The following RTN4RL2 variants were observed in gnomAD, a reference collection of about 807,000 sequenced individuals.
RTN4RL2 encodes reticulon 4 receptor like 2, also known as reticulon-4 receptor-like 2.
A neutral mutation model predicts 27.8 loss-of-function variants in RTN4RL2; 9 were observed. That is an observed-to-expected ratio of 0.32 (90% CI 0.20 to 0.57). The LOEUF (loss-of-function observed/expected upper bound fraction) is 0.57, where lower values mean the gene tolerates loss of function less well. RTN4RL2 is among the 20% of genes least tolerant of loss of function. The pLI is 0.90. For synonymous variants in RTN4RL2, 285 were observed against 297.9 expected, an observed-to-expected ratio of 0.96 and a Z score of 0.45; for missense variants, 436 against 596.8, an observed-to-expected ratio of 0.73 and a Z score of 2.81.
Position 57,476,479 on chromosome 11 carries a change from G to A in RTN4RL2, c.831G>A (p.Gln277=). 6.6e-7 allele frequency: 1 copy of A among 1,514,416 alleles called. No individual in the cohort carries two copies. The highest frequency in any genetic ancestry group is 8.8e-7 in the Non-Finnish European group (1 of 1,140,908). The allele number at this position is 1,514,416 out of a possible 1,614,324, so 93.8% of individuals were successfully genotyped here. Residue 277 remains glutamine, a synonymous_variant, in exon 3 of 3, where the codon CAG becomes CAA. Coordinates refer to ENST00000335099, the MANE Select transcript of RTN4RL2 (RefSeq NM_178570.3). The surrounding 1 kb of genome is among the most constrained non-coding windows in gnomAD (Gnocchi z 8.2). ...CRARPLWAWF[Q]RARVSSSDVT... The stretch of plus-strand genomic sequence containing the variant: ...CGCGGCCGCTCTGGGCCTGGTTCCA[G>A]CGCGCGCGCGTGTCCAGCTCCGACG...
At chr11:57,470,035 G>A (rs1207234449) in intron 2 of RTN4RL2, among the ~76,000 whole-genome samples, 1 of 152,180 alleles carries the variant, frequency 6.6e-6, no homozygotes, top group Non-Finnish European at 1.5e-5. Context: ...ACACACCCAG[G>A]AAGAGCTGGC....
chr11:57,463,010 A>G (rs1159966765), intron 1 of RTN4RL2, among the ~76,000 whole-genome samples: 1 of 152,166 alleles, frequency 6.6e-6, no homozygotes, highest in Non-Finnish European at 1.5e-5. Flanking sequence ...TCTTTACCTC[A>G]AGGGCAGTGT....
rs753025440 is a variant in RTN4RL2 at position 57,476,944 on chromosome 11, G to T, written c.*33G>T. 13 of 1,516,164 alleles carry T rather than the reference G, an allele frequency of 8.6e-6. No homozygotes were observed. The highest frequency in any genetic ancestry group is 1.1e-5 in the Non-Finnish European group (13 of 1,142,382). The allele number at this position is 1,516,164 out of a possible 1,614,324, so 93.9% of individuals were successfully genotyped here. A position where few individuals can be genotyped will look rare whatever the true frequency, so the allele number is the denominator to read the frequency against. On this transcript the variant is annotated 3_prime_UTR_variant, in exon 3 of 3. Transcript: ENST00000335099. The surrounding 1 kb of genome is among the most constrained non-coding windows in gnomAD (Gnocchi z 8.2). Reference sequence around the variant, plus strand: ...GCTGAGATCGAAGAGGCCAGTGTCCGATCCCCGCTTCCCGTCCACCCGGGG... The same window carrying T: ...GCTGAGATCGAAGAGGCCAGTGTCCTATCCCCGCTTCCCGTCCACCCGGGG...
At chr11:57,473,922 C>A (rs1943579401) in intron 2 of RTN4RL2, among the ~76,000 whole-genome samples, 1 of 152,126 alleles carries the variant, frequency 6.6e-6, no homozygotes, top group Admixed American at 6.5e-5. Context: ...CTCTTCTGAC[C>A]TCCCGAGGTC....
At chr11:57,473,718 T>G (rs1402287091) in intron 2 of RTN4RL2, among the ~76,000 whole-genome samples, 1 of 151,730 alleles carries the variant, frequency 6.6e-6, no homozygotes, top group African/African-American at 2.4e-5. Context: ...GCAACGGGAT[T>G]TGGCAACAGC....
chr11:57,476,599 G>T lies in RTN4RL2; in HGVS notation c.951G>T (p.Arg317=). 1 of 1,399,862 alleles carries T rather than the reference G, an allele frequency of 7.1e-7. No individual in the cohort carries two copies. The allele number at this position is 1,399,862 out of a possible 1,614,324, so 86.7% of individuals were successfully genotyped here. The change falls in exon 3 of 3, where the codon CGG becomes CGT. Residue 317 remains arginine, a synonymous_variant. Coordinates refer to ENST00000335099, the MANE Select transcript of RTN4RL2 (RefSeq NM_178570.3). This position sits in a 1 kb window ranked among gnomAD's most constrained non-coding sequence, Gnocchi z 8.2. ...CGTGTCCGCCCGCGGCACCCACGCG[G>T]CCGGGCAGCCGCGCCCGCGGCAACA... ...FQACPPAAPT[R]PGSRARGNSS... is the part of the protein sequence containing the mutation.
chr11:57,472,458 G>A (rs1024445525), intron 2 of RTN4RL2, among the ~76,000 whole-genome samples: 4 of 151,862 alleles, frequency 2.6e-5, no homozygotes, highest in Non-Finnish European at 5.9e-5. Flanking sequence ...CAATCCACCC[G>A]CCTCGGCCTC....
chr11:57,475,262 G>A (rs954929677), intron 2 of RTN4RL2, among the ~76,000 whole-genome samples: 3 of 152,128 alleles, frequency 2.0e-5, no homozygotes, highest in Admixed American at 6.5e-5. Context: ...GTTAAAACTT[G>A]CCTAAAATAA....
chr11:57,476,847 C>T lies in RTN4RL2; in HGVS notation c.1199C>T (p.Ala400Val). 6.4e-7 allele frequency: 1 copy of T among 1,572,346 alleles called. No individual in the cohort carries two copies. ...CQAPPDSRGP[A>V]LSAGLPSPLL... ...GCGCCCCCGGACTCCCGAGGCCCTG[C>T]GCTCTCGGCCGGGCTCCCCAGCCCT... is the stretch of plus-strand genomic sequence containing the variant. The change falls in exon 3 of 3, where the codon GCG becomes GTG. Residue 400 changes from alanine (A) to valine (V), a missense_variant. This residue lies in a region of RTN4RL2 where 60 missense variants were observed against 43.0 expected (regional missense o/e 1.40). Coordinates refer to ENST00000335099, the MANE Select transcript of RTN4RL2 (RefSeq NM_178570.3). The surrounding 1 kb of genome is among the most constrained non-coding windows in gnomAD (Gnocchi z 8.2).
chr11:57,476,905 C>G lies in RTN4RL2; in HGVS notation c.1257C>G (p.His419Gln). 1 of 1,567,084 alleles carries G rather than the reference C, an allele frequency of 6.4e-7. No homozygotes were observed. Among genetic ancestry groups the G allele is most frequent in the Non-Finnish European group, 8.6e-7 (1 of 1,164,784 alleles). ...LLCLLLLVPH[H>Q]L is the part of the protein sequence containing the mutation. ...GCCTCCTGCTCCTGGTGCCCCACCA[C>G]CTCTGACTGCGGTGCTGAGATCGAA... Residue 419 changes from histidine (H) to glutamine (Q), a missense_variant, in exon 3 of 3, where the codon CAC (histidine) becomes CAG (glutamine). His to Gln is a conservative substitution (Grantham distance 24). Transcript: ENST00000335099. The surrounding 1 kb of genome is among the most constrained non-coding windows in gnomAD (Gnocchi z 8.2).
rs1156917710 is a variant in RTN4RL2, at chr11:57,467,438, T to C, written c.32-171T>C. ...TATGTTGCCCAGGATAGTCTCAAACTCCTGGCCTCAAGCAATCCTCCTGCC... is the reference window on the plus strand; with the variant it reads ...TATGTTGCCCAGGATAGTCTCAAACCCCTGGCCTCAAGCAATCCTCCTGCC... On this transcript the variant is annotated intron_variant, in intron 1 of 2. Transcript: ENST00000335099. This position sits in a 1 kb window ranked among gnomAD's most constrained non-coding sequence, Gnocchi z 5.5. Among the ~76,000 whole-genome samples, 1 of 151,582 alleles carries C rather than the reference T, an allele frequency of 6.6e-6. No homozygotes were observed. The highest frequency in any genetic ancestry group is 6.6e-5 in the Admixed American group (1 of 15,214).
rs773732034 is a variant in RTN4RL2, at chr11:57,476,298, G to C, written c.650G>C (p.Gly217Ala). Residue 217 changes from glycine (G) to alanine (A), a missense_variant, in exon 3 of 3, where the codon GGC becomes GCC. By Grantham distance (60) the Gly-to-Ala change is moderately conservative. Transcript: ENST00000335099. The surrounding 1 kb of genome is among the most constrained non-coding windows in gnomAD (Gnocchi z 8.2). ...RLLLHGNRLQGVHRAAFRGLS... is the reference protein window; with the variant it reads ...RLLLHGNRLQAVHRAAFRGLS... The stretch of plus-strand genomic sequence containing the variant: ...CTGCTGCACGGGAACCGGCTGCAGG[G>C]CGTGCACCGCGCGGCCTTCCGCGGC... 2 of 1,611,534 alleles carry C rather than the reference G, an allele frequency of 1.2e-6. No homozygotes were observed. The highest frequency in any genetic ancestry group is 1.7e-6 in the Non-Finnish European group (2 of 1,179,116).
intron 2 of RTN4RL2, chr11:57,468,952 C>A: frequency 1.4e-6 from 1 of 719,970 alleles, no homozygotes; most frequent in Non-Finnish European, 2.5e-6. Flanking sequence ...AGCAATAACA[C>A]ACCCTCCAAA....
At chr11:57,468,468 C>A in intron 2 of RTN4RL2, 1 of 1,181,480 alleles carries the variant, frequency 8.5e-7, no homozygotes, top group Non-Finnish European at 1.2e-6. Context: ...CACACACCCA[C>A]TCCGCATACA....
At chr11:57,462,845 T>C (rs1156366292) in intron 1 of RTN4RL2, among the ~76,000 whole-genome samples, 1 of 152,230 alleles carries the variant, frequency 6.6e-6, no homozygotes, top group Non-Finnish European at 1.5e-5. Flanking sequence ...CTCCCACATG[T>C]AATCACTACT....
At chr11:57,472,125 T>C (rs1590733243) in intron 2 of RTN4RL2, among the ~76,000 whole-genome samples, 1 of 151,300 alleles carries the variant, frequency 6.6e-6, no homozygotes, top group Non-Finnish European at 1.5e-5. Context: ...TCCCAAAGTG[T>C]TGGATTACAG....
At chr11:57,465,015 A>G (rs1299283104) in intron 1 of RTN4RL2, among the ~76,000 whole-genome samples, 2 of 152,182 alleles carry the variant, frequency 1.3e-5, no homozygotes, top group Non-Finnish European at 2.9e-5. Context: ...GCTCACACAC[A>G]CGCGGAGGAC....
rs11370612 is a variant in RTN4RL2, at chr11:57,467,377, ATT to A, written c.32-220_32-219del. ...AGGCACATGCCACCATGCCTGGCTAATTTTTTTTTTTTTCTTGTAAAGACAGG... is the reference window on the plus strand; with the variant it reads ...AGGCACATGCCACCATGCCTGGCTAATTTTTTTTTTTCTTGTAAAGACAGG... On this transcript the variant is annotated intron_variant, in intron 1 of 2. Transcript: ENST00000335099. The surrounding 1 kb of genome is among the most constrained non-coding windows in gnomAD (Gnocchi z 5.5). Among the ~76,000 whole-genome samples the A allele has an allele frequency of 1.4e-5, 2 of 145,602 alleles. No homozygotes were observed. The highest frequency in any genetic ancestry group is 3.0e-5 in the Non-Finnish European group (2 of 65,904).
Position 57,460,829 on chromosome 11 carries a change from T to TC in RTN4RL2, c.-31dup. On this transcript the variant is annotated 5_prime_UTR_variant, in exon 1 of 3. Transcript: ENST00000335099. ...GCTCAGGGAGCGAGTGGGAGCGCCCTCCCCCCGCTGCCCCCTCCCCCGAGC... is the reference window on the plus strand; with the variant it reads ...GCTCAGGGAGCGAGTGGGAGCGCCCTCCCCCCCGCTGCCCCCTCCCCCGAGC... 4 of 1,334,416 alleles carry TC rather than the reference T, an allele frequency of 3.0e-6. No homozygotes were observed. The highest frequency in any genetic ancestry group is 4.0e-6 in the Non-Finnish European group (4 of 1,008,450). The allele number at this position is 1,334,416 out of a possible 1,614,324, so 82.7% of individuals were successfully genotyped here. A position where few individuals can be genotyped will look rare whatever the true frequency, so the allele number is the denominator to read the frequency against.
Sources: allele counts gnomAD v4.1 joint callset (sites outside exome capture counted in the v4.1 genomes callset), GRCh38; gene constraint gnomAD v4.1.1; regional missense constraint gnomAD v4.1.1; non-coding constraint Gnocchi (gnomAD v3.1); transcripts MANE v1.5; gene names NCBI Gene and HGNC (gene_info 2026-07-23, HGNC 2026-07-21).